Variants in DENND1B observed in about 807,000 individuals in gnomAD.
DENND1B encodes DENN domain containing 1B.
DENND1B carries 59 observed loss-of-function variants against 90.1 expected under a neutral mutation model. The ratio of observed to expected loss-of-function variants is 0.65; its 90% CI spans 0.53 to 0.81. The LOEUF is 0.81. DENND1B is among the 40% of genes least tolerant of loss of function. DENND1B has a pLI of 0.00. For missense variants in DENND1B, 862 were observed against 912.6 expected, an observed-to-expected ratio of 0.94 and a Z score of 0.71; for synonymous variants, 337 against 324.6, an observed-to-expected ratio of 1.04 and a Z score of -0.41.
At position 197,674,116 on chromosome 1, in the gene DENND1B, G is replaced by A; in HGVS notation, c.176+4C>T. 6.3e-7 allele frequency: 1 copy of A among 1,587,052 alleles called. No homozygotes were observed. The highest frequency in any genetic ancestry group is 1.1e-5 in the South Asian group (1 of 89,074). ...ATTTATTTTAAATGATACTTATACTGTACCTTTCAACGTCAAAGGGAAAAC... is the reference window on the plus strand; with the variant it reads ...ATTTATTTTAAATGATACTTATACTATACCTTTCAACGTCAAAGGGAAAAC... On this transcript the variant is annotated splice_donor_region_variant and intron_variant, in intron 4 of 22. Transcript: ENST00000620048.
intron 2 of DENND1B, among the ~76,000 whole-genome samples, chr1:197,719,278 G>C (rs1303402525): frequency 2.0e-5 from 3 of 152,010 alleles, no homozygotes; most frequent in Admixed American, 1.3e-4. Context: ...GTACAGACTT[G>C]AACATGTTTA....
intron 15 of DENND1B, among the ~76,000 whole-genome samples, chr1:197,554,483 A>G (rs1671532325): frequency 6.6e-6 from 1 of 152,088 alleles, no homozygotes. Flanking sequence ...TTGAACGGTT[A>G]ATGAACAAAA....
chr1:197,642,983 A>C (rs966747759), intron 9 of DENND1B, among the ~76,000 whole-genome samples, 162 bp from the exon 10 acceptor site: 4 of 151,210 alleles, frequency 2.6e-5, no homozygotes, highest in African/African-American at 9.7e-5. Flanking sequence ...TGCCACATAA[A>C]GTACATAATA....
Position 197,654,909 on chromosome 1 carries a change from T to A in DENND1B, c.367-2594A>T, listed in dbSNP as rs145153260. 3.2e-4 allele frequency among the ~76,000 whole-genome samples: 48 copies of A among 152,314 alleles called. 3 individuals carry two copies. The East Asian group carries it at 9.3e-3, about 29-fold the overall frequency. ...TTTCACCATACTGGGCAGACAGAAA[T>A]GTCTATACCATTTTAGCTGAACTGT... is the stretch of plus-strand genomic sequence containing the variant. On this transcript the variant is annotated intron_variant, in intron 6 of 22. Transcript: ENST00000620048.
intron 16 of DENND1B, chr1:197,552,366 C>A (rs1236232220): frequency 2.0e-6 from 2 of 985,284 alleles, no homozygotes; most frequent in African/African-American, 3.5e-5. Context: ...AGGACTCAAG[C>A]AAAATGCTCT....
At chr1:197,651,222 T>C (rs1300931618) in intron 7 of DENND1B, among the ~76,000 whole-genome samples, 1 of 152,016 alleles carries the variant, frequency 6.6e-6, no homozygotes, top group East Asian at 1.9e-4. Flanking sequence ...AAAATTAATA[T>C]AAATAAATTT....
intron 15 of DENND1B, among the ~76,000 whole-genome samples, chr1:197,575,410 A>G (rs1236275706): frequency 1.3e-5 from 2 of 152,218 alleles, no homozygotes; most frequent in African/African-American, 4.8e-5. Flanking sequence ...TAGAATGGTG[A>G]TCATTAAAAA....
intron 2 of DENND1B, among the ~76,000 whole-genome samples, chr1:197,741,344 T>C (rs1230178375): frequency 6.6e-6 from 1 of 152,164 alleles, no homozygotes; most frequent in Non-Finnish European, 1.5e-5. Context: ...AAAAAAGGGT[T>C]TAAAGCGATT....
At chr1:197,552,183 C>A in intron 16 of DENND1B, 5 of 971,642 alleles carry the variant, frequency 5.1e-6, no homozygotes, top group Non-Finnish European at 6.1e-6. Context: ...AGTTTTTTTT[C>A]CTCAAAACAA....
In DENND1B at chr1:197,560,553, T is replaced by C. The variant is rs1383926841; in HGVS notation, c.1150-7441A>G. On this transcript the variant is annotated intron_variant, in intron 15 of 22. Coordinates refer to ENST00000620048, the MANE Select transcript of DENND1B (RefSeq NM_001195215.2). ...CATTTAAGCCAAGTCTTCAAAGCCATGAGGAGGTTTAATGGGAAAAGAGGA... is the reference window on the plus strand; with the variant it reads ...CATTTAAGCCAAGTCTTCAAAGCCACGAGGAGGTTTAATGGGAAAAGAGGA... 3.3e-5 allele frequency among the ~76,000 whole-genome samples: 5 copies of C among 151,918 alleles called. 1 individual carries two copies. Among genetic ancestry groups the C allele is most frequent in the African/African-American group, 1.2e-4 (5 of 41,468 alleles).
intron 11 of DENND1B, among the ~76,000 whole-genome samples, chr1:197,617,206 G>A (rs1385612874): frequency 6.6e-6 from 1 of 151,014 alleles, no homozygotes; most frequent in Admixed American, 6.6e-5. Context: ...GGTATTTGGT[G>A]TGCTATTATT....
intron 10 of DENND1B, among the ~76,000 whole-genome samples, chr1:197,641,115 T>A (rs1194619660): frequency 6.6e-6 from 1 of 152,210 alleles, no homozygotes; most frequent in Non-Finnish European, 1.5e-5. Flanking sequence ...TTCATGCCAG[T>A]CGAATATGGT....
intron 2 of DENND1B, among the ~76,000 whole-genome samples, chr1:197,741,255 G>C (rs966270177): frequency 1.3e-5 from 2 of 152,156 alleles, no homozygotes; most frequent in East Asian, 3.9e-4. Flanking sequence ...CATATCCCAA[G>C]ATAGAGTAAC....
At chr1:197,557,723 G>A (rs1304103137) in intron 15 of DENND1B, among the ~76,000 whole-genome samples, 2 of 151,898 alleles carry the variant, frequency 1.3e-5, no homozygotes, top group African/African-American at 4.8e-5. Context: ...TTAATGAGAA[G>A]AATGCTGAAT....
At chr1:197,570,416 T>A (rs890520064) in intron 15 of DENND1B, among the ~76,000 whole-genome samples, 7 of 152,154 alleles carry the variant, frequency 4.6e-5, no homozygotes, top group African/African-American at 1.7e-4. Flanking sequence ...ACAATATAGT[T>A]ATCCAAGGCC....
intron 3 of DENND1B, among the ~76,000 whole-genome samples, chr1:197,703,184 C>T (rs554704767): frequency 1.4e-4 from 22 of 152,040 alleles, no homozygotes; most frequent in African/African-American, 3.4e-4. Context: ...GACAGGGTTT[C>T]ACCAGTTGGC....
At chr1:197,516,730 C>T (rs1431691487) in intron 20 of DENND1B, among the ~76,000 whole-genome samples, 1 of 151,746 alleles carries the variant, frequency 6.6e-6, no homozygotes, top group Non-Finnish European at 1.5e-5. Flanking sequence ...TGCCAATACC[C>T]AGCCAGTAAC....
intron 3 of DENND1B, among the ~76,000 whole-genome samples, chr1:197,693,772 A>T (rs755668265): frequency 5.5e-4 from 84 of 151,444 alleles, no homozygotes; most frequent in Middle Eastern, 6.8e-3. Context: ...CTCTTTTTAG[A>T]TCAGTCCATA....
At chr1:197,641,822 C>T (rs1262840673) in intron 10 of DENND1B, among the ~76,000 whole-genome samples, 3 of 151,938 alleles carry the variant, frequency 2.0e-5, no homozygotes, top group Non-Finnish European at 4.4e-5. Context: ...TCCTGAAACT[C>T]CTTCTACTTT....
Sources: gnomAD v4.1 joint callset for allele counts (sites outside exome capture counted in the v4.1 genomes callset) on GRCh38, gnomAD v4.1.1 for gene constraint, MANE v1.5 for transcripts, NCBI Gene and HGNC (gene_info 2026-07-23, HGNC 2026-07-21) for gene names.